VPS50: variants seen among roughly 807,000 people sequenced by gnomAD.
VPS50 encodes syndetin.
A neutral mutation model predicts 139.7 loss-of-function variants in VPS50; 70 were observed. The ratio of observed to expected loss-of-function variants is 0.50; its 90% CI spans 0.41 to 0.61. The LOEUF is 0.61. VPS50 is among the 20% of genes least tolerant of loss of function. The pLI, the probability that VPS50 is intolerant of heterozygous loss-of-function variation, is 0.00. For synonymous variants in VPS50, 365 were observed against 376.7 expected, an observed-to-expected ratio of 0.97 and a Z score of 0.36; for missense variants, 921 against 1,133.7, an observed-to-expected ratio of 0.81 and a Z score of 2.69.
At chr7:93,337,184 C>T (rs1298118766) in intron 22 of VPS50, among the ~76,000 whole-genome samples, 1 of 152,104 alleles carries the variant, frequency 6.6e-6, no homozygotes, top group African/African-American at 2.4e-5. Flanking sequence ...AAATTTTATG[C>T]CTCAAATGCC....
intron 2 of VPS50, among the ~76,000 whole-genome samples, chr7:93,243,051 A>G (rs146981762): frequency 5.0e-4 from 76 of 152,054 alleles, no homozygotes; most frequent in African/African-American, 1.7e-3. Context: ...AACTGTATAA[A>G]CCATCTGGTA....
At chr7:93,294,856 A>G (rs1796761499) in intron 14 of VPS50, among the ~76,000 whole-genome samples, 1 of 152,338 alleles carries the variant, frequency 6.6e-6, no homozygotes, top group South Asian at 2.1e-4. Flanking sequence ...GGAAATATTC[A>G]TACATGTCTT....
At position 93,283,315 on chromosome 7, in the gene VPS50, C is replaced by T. The variant is rs986283969; in HGVS notation, c.942+7010C>T. Among the ~76,000 whole-genome samples, 16 of 151,786 alleles carry T rather than the reference C, an allele frequency of 1.1e-4. No individual in the cohort carries two copies. In the East Asian group the frequency reaches 2.9e-3, roughly 28 times the overall value. Reference sequence around the variant, plus strand: ...TGATCTTGGCTCGTTGCAACCTCCACCTCCCGCGTTCAACAGGTTCAAGTG... The same window carrying T: ...TGATCTTGGCTCGTTGCAACCTCCATCTCCCGCGTTCAACAGGTTCAAGTG... On this transcript the variant is annotated intron_variant, in intron 12 of 27. Transcript: ENST00000305866.
intron 2 of VPS50, among the ~76,000 whole-genome samples, chr7:93,250,052 T>C (rs1795274728): frequency 6.6e-6 from 1 of 151,942 alleles, no homozygotes; most frequent in Admixed American, 6.6e-5. Context: ...GCACGCTGAC[T>C]CAGTGATAGC....
chr7:93,351,987 G>A (rs534436894), intron 25 of VPS50, among the ~76,000 whole-genome samples: 2 of 152,162 alleles, frequency 1.3e-5, no homozygotes, highest in South Asian at 4.1e-4. Context: ...GATAACTTTT[G>A]TTCTTTCTGT....
chr7:93,352,942 C>G (rs1798600004), intron 25 of VPS50, among the ~76,000 whole-genome samples: 1 of 152,044 alleles, frequency 6.6e-6, no homozygotes, highest in African/African-American at 2.4e-5. Flanking sequence ...TCCAGTATTT[C>G]AAATAATCCA....
chr7:93,280,908 T>C (rs967383282), intron 12 of VPS50, among the ~76,000 whole-genome samples: 14 of 152,062 alleles, frequency 9.2e-5, no homozygotes, highest in Admixed American at 2.6e-4. Flanking sequence ...TATATATATA[T>C]ATACATACAT....
chr7:93,325,983 A>C (rs1584471988), intron 21 of VPS50, among the ~76,000 whole-genome samples: 3 of 152,022 alleles, frequency 2.0e-5, no homozygotes, highest in African/African-American at 7.2e-5. Flanking sequence ...TGCTGCTATA[A>C]AGACACATGC....
At chr7:93,245,417 A>G (rs948053728) in intron 2 of VPS50, among the ~76,000 whole-genome samples, 3 of 151,898 alleles carry the variant, frequency 2.0e-5, no homozygotes. Context: ...CAGAATAGAC[A>G]GTATTGTTTT....
intron 12 of VPS50, 74 bp downstream of exon 12, chr7:93,276,379 C>T (rs930034500): frequency 8.4e-6 from 12 of 1,431,278 alleles, no homozygotes; most frequent in Non-Finnish European, 1.1e-5. Context: ...TATCTTGGTA[C>T]ATACCTATTT....
At chr7:93,296,014 C>G (rs1796799905) in intron 14 of VPS50, among the ~76,000 whole-genome samples, 1 of 152,114 alleles carries the variant, frequency 6.6e-6, no homozygotes. Context: ...GCATCAGCCA[C>G]CATGCCCAGC....
rs917713676 is a variant in VPS50 at position 93,257,928 on chromosome 7, A to G, written c.423-231A>G. On this transcript the variant is annotated intron_variant, in intron 6 of 27. Transcript: ENST00000305866. ...TAAGCGCTTATTCTCAGTTTCTGTA[A>G]TTTTTTGTTATAGACCACTAGCAGG... 3.5e-4 allele frequency among the ~76,000 whole-genome samples: 53 copies of G among 151,898 alleles called. 1 individual carries two copies. Among genetic ancestry groups the G allele is most frequent in the Admixed American group, 3.4e-3 (52 of 15,254 alleles).
intron 25 of VPS50, among the ~76,000 whole-genome samples, chr7:93,352,532 G>A (rs1004238417): frequency 2.6e-5 from 4 of 152,132 alleles, no homozygotes; most frequent in African/African-American, 4.8e-5. Context: ...AGTTGAACAC[G>A]TCAGTCTTGT....
In VPS50 at chr7:93,353,657, C is replaced by T. The variant is rs1798619154; in HGVS notation, c.2481C>T (p.Asn827=). The T allele has an allele frequency of 6.2e-7, 1 of 1,612,670 alleles. No homozygotes were observed. Among genetic ancestry groups the T allele is most frequent in the Non-Finnish European group, 8.5e-7 (1 of 1,179,320 alleles). ...DALLKEFEQF[N]RRLNEVSKRV... is the part of the protein sequence containing the mutation. Reference sequence around the variant, plus strand: ...CTTCTTAGGAATTTGAGCAGTTTAACAGGAGGCTAAATGAAGTTTCTAAGA... The same window carrying T: ...CTTCTTAGGAATTTGAGCAGTTTAATAGGAGGCTAAATGAAGTTTCTAAGA... The change falls in exon 26 of 28, where the codon AAC becomes AAT. Residue 827 remains asparagine (N), a synonymous_variant. Transcript: ENST00000305866.
At chr7:93,317,096 A>C (rs1341764622) in intron 20 of VPS50, among the ~76,000 whole-genome samples, 1 of 152,216 alleles carries the variant, frequency 6.6e-6, no homozygotes, top group African/African-American at 2.4e-5. Context: ...GGCAGGAGGA[A>C]AATTAGGAGG....
chr7:93,253,254 G>A (rs1795388432), intron 3 of VPS50, among the ~76,000 whole-genome samples: 1 of 152,136 alleles, frequency 6.6e-6, no homozygotes, highest in African/African-American at 2.4e-5. Flanking sequence ...TACTTTATAT[G>A]CATTATTCAC....
chr7:93,245,357 G>C (rs1795117377), intron 2 of VPS50, among the ~76,000 whole-genome samples: 1 of 151,832 alleles, frequency 6.6e-6, no homozygotes, highest in Admixed American at 6.6e-5. Context: ...GAAGGTGGAA[G>C]AACCTGTGAA....
chr7:93,346,863 A>G (rs1410755406), intron 23 of VPS50, among the ~76,000 whole-genome samples: 2 of 135,476 alleles, frequency 1.5e-5, no homozygotes, highest in South Asian at 4.9e-4. Context: ...ACCTAAAACC[A>G]TAAAAACCCT....
At chr7:93,295,891 T>A (rs942019769) in intron 14 of VPS50, among the ~76,000 whole-genome samples, 5 of 151,994 alleles carry the variant, frequency 3.3e-5, no homozygotes, top group African/African-American at 1.2e-4. Context: ...TGCCTAATTT[T>A]CTTAAATTAT....
Sources: gnomAD v4.1 joint callset for allele counts (sites outside exome capture counted in the v4.1 genomes callset) on GRCh38, gnomAD v4.1.1 for gene constraint, MANE v1.5 for transcripts, NCBI Gene and HGNC (gene_info 2026-07-23, HGNC 2026-07-21) for gene names.